The following SEL1L2 variants were observed in gnomAD, a reference collection of about 807,000 sequenced individuals.
SEL1L2 encodes the protein SEL1L2 adaptor subunit of SYVN1 ubiquitin ligase, also known as protein sel-1 homolog 2.
Under a neutral mutation model 98.8 loss-of-function variants are expected in SEL1L2, and 89 were observed. The observed-to-expected ratio is 0.90, with a 90% CI of 0.76 to 1.07. The LOEUF (loss-of-function observed/expected upper bound fraction) is 1.07. SEL1L2 is among the 50% of genes least tolerant of loss of function. The probability of loss-of-function intolerance (pLI) is 0.00; values close to 1 mark genes in which losing one functional copy is unlikely to be tolerated. For synonymous variants in SEL1L2, 262 were observed against 278.5 expected (o/e 0.94, Z 0.59); for missense variants, 788 against 812.0 (o/e 0.97, Z 0.36).
At chr20:13,940,424 TGGC>T (rs2049706186) in intron 2 of SEL1L2, among the ~76,000 whole-genome samples, 2 of 152,138 alleles carry the variant, frequency 1.3e-5, no homozygotes, top group African/African-American at 4.8e-5. Flanking sequence ...AACTCCCAAG[TGGC>T]TGAAGGAGTG....
chr20:13,944,116 T>C (rs1435595225), intron 2 of SEL1L2, among the ~76,000 whole-genome samples: 1 of 152,168 alleles, frequency 6.6e-6, no homozygotes, highest in Non-Finnish European at 1.5e-5. Flanking sequence ...TGTCTTCTAT[T>C]ACTATCAGTA....
At chr20:13,888,731 A>G (rs1416134815) in intron 5 of SEL1L2, among the ~76,000 whole-genome samples, 3 of 131,456 alleles carry the variant, frequency 2.3e-5, no homozygotes, top group Non-Finnish European at 4.6e-5. Flanking sequence ...CTCTGCCTCC[A>G]GGGTTCAAGT....
intron 5 of SEL1L2, among the ~76,000 whole-genome samples, chr20:13,890,576 C>A (rs2047162817): frequency 6.6e-6 from 1 of 151,858 alleles, no homozygotes; most frequent in African/African-American, 2.4e-5. Context: ...TTTAAGTGCA[C>A]AAATCGTAGC....
intron 5 of SEL1L2, among the ~76,000 whole-genome samples, chr20:13,896,336 G>C (rs924991743): frequency 2.6e-5 from 4 of 152,192 alleles, no homozygotes; most frequent in Non-Finnish European, 4.4e-5. Context: ...TGGGCACGGT[G>C]GGGGGCGCCT....
At chr20:13,923,384 C>T (rs940511620) in intron 3 of SEL1L2, among the ~76,000 whole-genome samples, 3 of 152,146 alleles carry the variant, frequency 2.0e-5, no homozygotes, top group East Asian at 1.9e-4. Context: ...CCAGCAGAAT[C>T]GTATAGATTC....
chr20:13,983,078 GAA>G (rs1282834559), intron 1 of SEL1L2, among the ~76,000 whole-genome samples: 2 of 116,702 alleles, frequency 1.7e-5, no homozygotes, highest in Non-Finnish European at 3.5e-5. Context: ...AGTGAAGAGA[GAA>G]AAAAACACAT....
intron 1 of SEL1L2, among the ~76,000 whole-genome samples, chr20:13,985,297 T>C (rs939934418): frequency 5.9e-5 from 9 of 152,228 alleles, no homozygotes; most frequent in African/African-American, 1.4e-4. Flanking sequence ...TCTTACATAC[T>C]ACACCACAGC....
At chr20:13,877,659 C>T in intron 10 of SEL1L2, 71 bp from the exon 11 acceptor site, 2 of 1,249,364 alleles carry the variant, frequency 1.6e-6, no homozygotes, top group Non-Finnish European at 2.3e-6. Flanking sequence ...TTGAACCAAA[C>T]TTTATTCAAT....
intron 5 of SEL1L2, 126 bp downstream of exon 5, chr20:13,913,656 T>C: frequency 2.3e-6 from 2 of 851,912 alleles, no homozygotes; most frequent in Non-Finnish European, 3.3e-6. Context: ...CAGTGCATTA[T>C]GGTAACCTCC....
intron 2 of SEL1L2, among the ~76,000 whole-genome samples, chr20:13,945,768 T>C (rs1448733930): frequency 6.6e-6 from 1 of 152,136 alleles, no homozygotes; most frequent in Non-Finnish European, 1.5e-5. Context: ...TTTTCTGATA[T>C]GCAAGGATGG....
At chr20:13,882,487 G>C (rs1419802783) in intron 10 of SEL1L2, among the ~76,000 whole-genome samples, 1 of 152,164 alleles carries the variant, frequency 6.6e-6, no homozygotes, top group African/African-American at 2.4e-5. Flanking sequence ...TTAGAACTTT[G>C]ACTGCCATGT....
At chr20:13,885,294 C>T in intron 10 of SEL1L2, 53 bp downstream of exon 10, 4 of 1,168,044 alleles carry the variant, frequency 3.4e-6, no homozygotes, top group Non-Finnish European at 3.9e-6. Context: ...CTGCCAGCCT[C>T]CCTCACCACT....
intron 3 of SEL1L2, 114 bp downstream of exon 3, chr20:13,931,489 G>A (rs942249682): frequency 1.8e-6 from 1 of 559,534 alleles, no homozygotes; most frequent in Non-Finnish European, 2.7e-6. Flanking sequence ...ATGCTTTTGT[G>A]TGTATAAATA....
chr20:13,889,385 T>C (rs1199890328), intron 5 of SEL1L2, among the ~76,000 whole-genome samples: 1 of 152,226 alleles, frequency 6.6e-6, no homozygotes, highest in Admixed American at 6.5e-5. Context: ...GTTTGTGTAA[T>C]ATACATGAAT....
chr20:13,909,972 A>G (rs1046655202), intron 5 of SEL1L2, among the ~76,000 whole-genome samples: 6 of 152,198 alleles, frequency 3.9e-5, no homozygotes, highest in African/African-American at 1.4e-4. Flanking sequence ...CTCTGTCTCA[A>G]AAAACCAAAC....
intron 3 of SEL1L2, among the ~76,000 whole-genome samples, chr20:13,919,602 G>A (rs926212952): frequency 1.3e-5 from 2 of 152,190 alleles, no homozygotes; most frequent in African/African-American, 4.8e-5. Context: ...TGTGCACCTA[G>A]GAGAGGAGGA....
intron 3 of SEL1L2, among the ~76,000 whole-genome samples, chr20:13,925,137 C>T (rs2048830479): frequency 6.6e-6 from 1 of 151,762 alleles, no homozygotes; most frequent in African/African-American, 2.4e-5. Flanking sequence ...AAACTCTGTA[C>T]CTCACAAAAA....
At chr20:13,994,336 A>G (rs2052591880), upstream of SEL1L2, among the ~76,000 whole-genome samples, 1 of 150,364 alleles carries the variant, frequency 6.7e-6, no homozygotes, top group Admixed American at 6.6e-5. Flanking sequence ...AACAAAAATT[A>G]CCTTACCATG....
At chr20:13,867,940 T>C (rs2046002288) in intron 14 of SEL1L2, among the ~76,000 whole-genome samples, 1 of 152,054 alleles carries the variant, frequency 6.6e-6, no homozygotes, top group African/African-American at 2.4e-5. Flanking sequence ...TGTGACCTCC[T>C]TGATGATGTG....
Sources: allele counts gnomAD v4.1 joint callset (sites outside exome capture counted in the v4.1 genomes callset), GRCh38; gene constraint gnomAD v4.1.1; transcripts MANE v1.5; gene names NCBI Gene and HGNC (gene_info 2026-07-23, HGNC 2026-07-21).